TEKT1: variants seen among roughly 807,000 people sequenced by gnomAD.
TEKT1 encodes the protein tektin-1.
TEKT1 carries 32 observed loss-of-function variants against 34.8 expected under a neutral mutation model. The ratio of observed to expected loss-of-function variants is 0.92; its 90% confidence interval spans 0.69 to 1.23. TEKT1 has a LOEUF of 1.23. TEKT1 is among the 50% of genes most tolerant of loss of function. The pLI, the probability that TEKT1 is intolerant of heterozygous loss-of-function variation, is 0.00. For synonymous variants in TEKT1, 207 were observed against 199.8 expected (o/e 1.04, Z -0.30); for missense variants, 492 against 518.5 (o/e 0.95, Z 0.50).
At chr17:6,816,086 T>A (rs1977004493) in intron 3 of TEKT1, 124 bp from the exon 4 acceptor site, 1 of 1,340,984 alleles carries the variant, frequency 7.5e-7, no homozygotes. Flanking sequence ...ATCCATCCGA[T>A]GACACAGTGG....
In TEKT1 at chr17:6,799,048, T is replaced by C. The variant is rs1976731286; in HGVS notation, c.*979A>G. ...TCGTCCATGGAAAGTGTTCCTTCAA[T>C]GTTAGCGGAATAAGGAACAAATGAG... On this transcript the variant is annotated 3_prime_UTR_variant, in exon 8 of 8. Transcript: ENST00000338694. 6.6e-6 allele frequency: 1 copy of C among 152,158 alleles called. No individual in the cohort carries two copies. Among genetic ancestry groups the C allele is most frequent in the Admixed American group, 6.5e-5 (1 of 15,270 alleles). The allele number at this position is 152,158 out of a possible 1,614,324, so 9.4% of individuals were successfully genotyped here.
intron 7 of TEKT1, among the ~76,000 whole-genome samples, chr17:6,800,451 G>A (rs1310294300): frequency 1.3e-5 from 2 of 152,152 alleles, no homozygotes; most frequent in Non-Finnish European, 2.9e-5. Flanking sequence ...TCAATTTGGC[G>A]GCCACAGGCC....
intron 4 of TEKT1, 94 bp from the exon 5 acceptor site, chr17:6,815,400 G>A: frequency 6.8e-7 from 1 of 1,477,822 alleles, no homozygotes; most frequent in Non-Finnish European, 9.4e-7. Context: ...GCTGCAGCTA[G>A]GTCTGGTGCA....
intron 3 of TEKT1, among the ~76,000 whole-genome samples, chr17:6,817,050 C>T (rs541053555): frequency 6.6e-6 from 1 of 152,294 alleles, no homozygotes; most frequent in African/African-American, 2.4e-5. Context: ...CCTTGATCCT[C>T]ATTCAGTGTT....
At chr17:6,813,958 C>G (rs1976964714) in intron 5 of TEKT1, among the ~76,000 whole-genome samples, 1 of 151,794 alleles carries the variant, frequency 6.6e-6, no homozygotes, top group Non-Finnish European at 1.5e-5. Context: ...CTCTCTCTCT[C>G]TCTCTCTCTC....
chr17:6,826,078 A>G (rs550437435), intron 2 of TEKT1, among the ~76,000 whole-genome samples: 3 of 152,214 alleles, frequency 2.0e-5, no homozygotes, highest in African/African-American at 4.8e-5. Flanking sequence ...TGACAGTAAC[A>G]GTTGCTCCAC....
At chr17:6,829,505 C>A (rs929637573) in intron 2 of TEKT1, among the ~76,000 whole-genome samples, 1 of 142,454 alleles carries the variant, frequency 7.0e-6, no homozygotes, top group Non-Finnish European at 1.5e-5. Context: ...TTCTTCCTTT[C>A]TTTTTCTTTC....
chr17:6,820,295 T>G (rs1458421704), intron 2 of TEKT1, among the ~76,000 whole-genome samples: 2 of 152,072 alleles, frequency 1.3e-5, no homozygotes, highest in Non-Finnish European at 2.9e-5. Context: ...TTGCTTCACT[T>G]TCTTTTTTAA....
intron 5 of TEKT1, among the ~76,000 whole-genome samples, chr17:6,814,644 C>A (rs1976977735): frequency 6.6e-6 from 1 of 152,144 alleles, no homozygotes; most frequent in Non-Finnish European, 1.5e-5. Flanking sequence ...TGAGACCATC[C>A]TGGCTAACTT....
intron 6 of TEKT1, among the ~76,000 whole-genome samples, chr17:6,808,738 T>A (rs1976885441): frequency 6.6e-6 from 1 of 152,172 alleles, no homozygotes; most frequent in Non-Finnish European, 1.5e-5. Context: ...ATCTTCAAAT[T>A]TAAAGTTTCA....
At chr17:6,813,945 G>A (rs867442077) in intron 5 of TEKT1, among the ~76,000 whole-genome samples, 8 of 100,152 alleles carry the variant, frequency 8.0e-5, no homozygotes, top group East Asian at 2.4e-4. Flanking sequence ...TCTGTCATCC[G>A]TTCTCTCTCT....
chr17:6,806,073 A>C (rs1455397911), intron 6 of TEKT1, among the ~76,000 whole-genome samples: 1 of 152,126 alleles, frequency 6.6e-6, no homozygotes, highest in Non-Finnish European at 1.5e-5. Flanking sequence ...GGGGTGGTAA[A>C]GTCTCCCATT....
intron 3 of TEKT1, among the ~76,000 whole-genome samples, chr17:6,818,399 G>T (rs1977037565): frequency 6.6e-6 from 1 of 152,128 alleles, no homozygotes; most frequent in African/African-American, 2.4e-5. Context: ...CATCACCCCA[G>T]AGTAGAAAGG....
intron 1 of TEKT1, 93 bp from the exon 2 acceptor site, chr17:6,830,486 T>C: frequency 1.1e-6 from 1 of 876,976 alleles, no homozygotes; most frequent in Non-Finnish European, 1.7e-6. Context: ...TACGGAAAAT[T>C]GCATAAATCA....
At chr17:6,823,739 G>T (rs1440100019) in intron 2 of TEKT1, among the ~76,000 whole-genome samples, 1 of 151,166 alleles carries the variant, frequency 6.6e-6, no homozygotes, top group Non-Finnish European at 1.5e-5. Flanking sequence ...ATTTATTTTG[G>T]CTCAGCTCTC....
intron 5 of TEKT1, among the ~76,000 whole-genome samples, chr17:6,814,426 T>C (rs1948481921): frequency 1.3e-5 from 2 of 152,206 alleles, no homozygotes; most frequent in South Asian, 2.1e-4. Flanking sequence ...ACAGAAAAGG[T>C]ACATAGTATA....
chr17:6,827,923 T>G (rs538521246), intron 2 of TEKT1, among the ~76,000 whole-genome samples: 1 of 143,322 alleles, frequency 7.0e-6, no homozygotes, highest in Non-Finnish European at 1.5e-5. Flanking sequence ...AACAGAGTAT[T>G]GTGAAAATGA....
At position 6,815,306 on chromosome 17, in the gene TEKT1, C is replaced by A. The variant is rs987828291; in HGVS notation, c.486G>T (p.Arg162=). ...GATTGTACTTGGCAGAGCGGTTCATCCTGAAGGGAGAAAGTAAACTGGGTT... is the reference window on the plus strand; with the variant it reads ...GATTGTACTTGGCAGAGCGGTTCATACTGAAGGGAGAAAGTAAACTGGGTT... The part of the protein sequence containing the change: ...RTLEEASEQI[R]MNRSAKYNLE... The change falls in exon 5 of 8, where the codon CGG becomes CGT. Residue 162 remains arginine, a splice_region_variant and synonymous_variant. Coordinates refer to ENST00000338694, the MANE Select transcript of TEKT1 (RefSeq NM_053285.2). 6.2e-7 allele frequency: 1 copy of A among 1,614,084 alleles called. No individual in the cohort carries two copies. The highest frequency in any genetic ancestry group is 8.5e-7 in the Non-Finnish European group (1 of 1,180,046).
At chr17:6,813,551 GACACAC>G (rs34316443) in intron 5 of TEKT1, among the ~76,000 whole-genome samples, 3,114 of 135,112 alleles carry the variant, frequency 0.023, 46 homozygotes, top group Middle Eastern at 0.1. Flanking sequence ...GAAGAAACCA[GACACAC>G]ACACACACAC....
Sources: gnomAD v4.1 joint callset for allele counts (sites outside exome capture counted in the v4.1 genomes callset) on GRCh38, gnomAD v4.1.1 for gene constraint, MANE v1.5 for transcripts, NCBI Gene and HGNC (gene_info 2026-07-23, HGNC 2026-07-21) for gene names.